KDM7A: variants seen among roughly 807,000 people sequenced by gnomAD.
The protein encoded by KDM7A is lysine-specific demethylase 7A.
In KDM7A, 28 loss-of-function variants were observed where a neutral mutation model predicts 114.8. The observed-to-expected ratio is 0.24, with a 90% CI of 0.18 to 0.33. The LOEUF is 0.33. KDM7A is among the 10% of genes least tolerant of loss of function. The pLI, the probability that KDM7A is intolerant of heterozygous loss-of-function variation, is 1.00. For missense variants in KDM7A, 942 were observed against 1,142.5 expected, an observed-to-expected ratio of 0.82 and a Z score of 2.53; for synonymous variants, 423 against 397.8, an observed-to-expected ratio of 1.06 and a Z score of -0.75.
chr7:140,129,480 A>T lies in KDM7A; in HGVS notation c.559+13T>A. The T allele has an allele frequency of 6.2e-7, 1 of 1,604,506 alleles. No individual in the cohort carries two copies. The highest frequency in any genetic ancestry group is 8.5e-7 in the Non-Finnish European group (1 of 1,172,824). ...CATGTTTTCCCAGGTACTTAAAGAA[A>T]TAAAGTTCGTACCTACATAACGTTC... is the stretch of plus-strand genomic sequence containing the variant. On this transcript the variant is annotated intron_variant, in intron 4 of 19. Transcript: ENST00000397560.
At chr7:140,162,310 G>C (rs1794529313) in intron 1 of KDM7A, among the ~76,000 whole-genome samples, 1 of 149,784 alleles carries the variant, frequency 6.7e-6, no homozygotes, top group Non-Finnish European at 1.5e-5. Flanking sequence ...ACTCCAGCCT[G>C]GGCAAAAAGA....
Position 140,176,706 on chromosome 7 carries a change from G to A in KDM7A, c.194+38C>T. The A allele has an allele frequency of 8.4e-7, 1 of 1,194,194 alleles. No homozygotes were observed. The highest frequency in any genetic ancestry group is 2.3e-5 in the South Asian group (1 of 43,154). The allele number at this position is 1,194,194 out of a possible 1,614,324, so 74.0% of individuals were successfully genotyped here. On this transcript the variant is annotated intron_variant, in intron 1 of 19. Coordinates refer to ENST00000397560, the MANE Select transcript of KDM7A (RefSeq NM_030647.2). The surrounding 1 kb of genome is among the most constrained non-coding windows in gnomAD (Gnocchi z 4.4). ...CGGCGGCGGCGGTTGGTCGGTGGCC[G>A]GCGGTGGCGGCTGCGGGGCTGGAGG... is the stretch of plus-strand genomic sequence containing the variant.
intron 13 of KDM7A, 101 bp downstream of exon 13, chr7:140,099,798 C>T: frequency 9.2e-7 from 1 of 1,084,306 alleles, no homozygotes; most frequent in South Asian, 1.4e-5. Context: ...TTCCACAAAA[C>T]CGGTCCCTGG....
intron 9 of KDM7A, among the ~76,000 whole-genome samples, chr7:140,115,746 C>T (rs1428451934): frequency 6.6e-6 from 1 of 150,596 alleles, no homozygotes; most frequent in Non-Finnish European, 1.5e-5. Context: ...TGTCCCATGA[C>T]CCTGCCAAAT....
chr7:140,135,821 A>AC (rs996657501), intron 2 of KDM7A, among the ~76,000 whole-genome samples: 3 of 152,140 alleles, frequency 2.0e-5, no homozygotes, highest in Admixed American at 2.0e-4. Context: ...AAAAAGTGGT[A>AC]CTAGTAACTT....
At chr7:140,117,058 C>T (rs1818542056) in intron 9 of KDM7A, among the ~76,000 whole-genome samples, 1 of 152,134 alleles carries the variant, frequency 6.6e-6, no homozygotes, top group South Asian at 2.1e-4. Flanking sequence ...TTCCTGTTTC[C>T]AGGATGAATG....
rs566710435 is a variant in KDM7A, at chr7:140,085,447, T to C, written c.*5647A>G. The C allele has an allele frequency of 6.6e-6, 1 of 152,312 alleles. No individual in the cohort carries two copies. The highest frequency in any genetic ancestry group is 2.1e-4 in the South Asian group (1 of 4,828). 9.4% of individuals were successfully genotyped at this position (152,312 alleles called of 1,614,324 possible). A position where few individuals can be genotyped will look rare whatever the true frequency, so the allele number is the denominator to read the frequency against. On this transcript the variant is annotated 3_prime_UTR_variant, in exon 20 of 20. Transcript: ENST00000397560. ...GCAAAGTTAGACATTTCACAGTAAA[T>C]GTGAAAGTTCATATTATATAATCTC... is the stretch of plus-strand genomic sequence containing the variant.
At position 140,126,954 on chromosome 7, in the gene KDM7A, T is replaced by A. The variant is rs1219716258; in HGVS notation, c.702-131A>T. On this transcript the variant is annotated intron_variant, in intron 5 of 19. Coordinates refer to ENST00000397560, the MANE Select transcript of KDM7A (RefSeq NM_030647.2). ...AGGTTAACAACAACACTTAAAAGTT[T>A]AAAACACATGTTTGTTTGTTTTTGA... 4.3e-6 allele frequency: 3 copies of A among 695,574 alleles called. No individual in the cohort carries two copies. In the African/African-American group the frequency reaches 5.4e-5, roughly 13 times the overall value. The allele number at this position is 695,574 out of a possible 1,614,324, so 43.1% of individuals were successfully genotyped here.
At position 140,129,515 on chromosome 7, in the gene KDM7A, C is replaced by G; in HGVS notation, c.537G>C (p.Val179=). 1 of 1,613,680 alleles carries G rather than the reference C, an allele frequency of 6.2e-7. No homozygotes were observed. Among genetic ancestry groups the G allele is most frequent in the Non-Finnish European group, 8.5e-7 (1 of 1,179,716 alleles). The change falls in exon 4 of 20, where the codon GTG becomes GTC. Residue 179 remains valine (V), a synonymous_variant. Transcript: ENST00000397560. ...GLRLPSPTFS[V]MDVERYVGGD... ...TACCTACATAACGTTCCACATCCAT[C>G]ACAGAAAATGTAGGTGAAGGGAGCC...
At chr7:140,143,950 A>G (rs1794312417) in intron 1 of KDM7A, among the ~76,000 whole-genome samples, 1 of 152,234 alleles carries the variant, frequency 6.6e-6, no homozygotes, top group Non-Finnish European at 1.5e-5. Flanking sequence ...CTGAAAGACT[A>G]TAAATTTCCA....
At chr7:140,162,175 A>G (rs933511097) in intron 1 of KDM7A, among the ~76,000 whole-genome samples, 2 of 152,124 alleles carry the variant, frequency 1.3e-5, no homozygotes, top group Non-Finnish European at 2.9e-5. Context: ...ATCTCTACTA[A>G]AAATACAAAT....
chr7:140,120,235 GTTGT>G (rs1818597301), intron 8 of KDM7A, among the ~76,000 whole-genome samples: 1 of 149,284 alleles, frequency 6.7e-6, no homozygotes, highest in Non-Finnish European at 1.5e-5. Context: ...TTTTGTTGTT[GTTGT>G]TTTAGATTTG....
intron 2 of KDM7A, among the ~76,000 whole-genome samples, chr7:140,135,190 A>G (rs1038930618): frequency 1.0e-4 from 15 of 150,156 alleles, no homozygotes; most frequent in Non-Finnish European, 2.2e-4. Flanking sequence ...TCTACTATAT[A>G]TAGATACATA....
At chr7:140,163,205 A>G (rs1794539661) in intron 1 of KDM7A, among the ~76,000 whole-genome samples, 4 of 152,156 alleles carry the variant, frequency 2.6e-5, no homozygotes, top group Admixed American at 2.6e-4. Context: ...CGTGTTAGCC[A>G]GAATGATCTC....
intron 11 of KDM7A, among the ~76,000 whole-genome samples, chr7:140,108,555 G>A (rs902291085): frequency 2.6e-5 from 4 of 152,144 alleles, no homozygotes; most frequent in Non-Finnish European, 4.4e-5. Context: ...ACTCCAGACC[G>A]TTTGCCTGGG....
In KDM7A at chr7:140,088,618, C is replaced by CA. The variant is rs1210414630; in HGVS notation, c.*2475dup. 4 of 397,298 alleles carry CA rather than the reference C, an allele frequency of 1.0e-5. No homozygotes were observed. In the East Asian group the frequency reaches 1.4e-4, roughly 14 times the overall value. The allele number at this position is 397,298 out of a possible 1,614,324, so 24.6% of individuals were successfully genotyped here. On this transcript the variant is annotated 3_prime_UTR_variant, in exon 20 of 20. Transcript: ENST00000397560. ...TGTTATAAGACGTTTGACCAGGAGT[C>CA]ACTGGATCAGTGGCCGAATTTTCAC...
At chr7:140,133,942 A>T (rs1374738671) in intron 2 of KDM7A, among the ~76,000 whole-genome samples, 2 of 152,242 alleles carry the variant, frequency 1.3e-5, no homozygotes, top group African/African-American at 4.8e-5. Flanking sequence ...CCACACTTAT[A>T]GATACTATAC....
At chr7:140,161,885 T>TCTA (rs1361211708) in intron 1 of KDM7A, among the ~76,000 whole-genome samples, 1 of 152,122 alleles carries the variant, frequency 6.6e-6, no homozygotes, top group Non-Finnish European at 1.5e-5. Context: ...TATCAAAAGG[T>TCTA]CTACACTGGA....
chr7:140,142,463 T>C (rs1208971074), intron 1 of KDM7A, among the ~76,000 whole-genome samples: 1 of 149,126 alleles, frequency 6.7e-6, no homozygotes, highest in Non-Finnish European at 1.5e-5. Flanking sequence ...AATACTCGGA[T>C]AGGCACATCA....
Sources: allele counts gnomAD v4.1 joint callset (sites outside exome capture counted in the v4.1 genomes callset), GRCh38; gene constraint gnomAD v4.1.1; non-coding constraint Gnocchi (gnomAD v3.1); transcripts MANE v1.5; gene names NCBI Gene and HGNC (gene_info 2026-07-23, HGNC 2026-07-21).